Variants in DCTN4 observed in about 807,000 individuals in gnomAD.
DCTN4 encodes dynactin subunit 4.
Under a neutral mutation model 62.7 loss-of-function variants are expected in DCTN4, and 23 were observed. That is an observed-to-expected ratio of 0.37 (90% CI 0.26 to 0.52). The LOEUF is 0.52. Ranked by LOEUF, DCTN4 falls within the 20% of genes least tolerant of loss-of-function variation. DCTN4 has a pLI of 0.92. For synonymous variants in DCTN4, 199 were observed against 202.1 expected, an observed-to-expected ratio of 0.98 and a Z score of 0.13; for missense variants, 514 against 580.4, an observed-to-expected ratio of 0.89 and a Z score of 1.18.
rs36019301 is a variant in DCTN4 at position 150,715,603 on chromosome 5, A to G, written c.1131T>C (p.Asp377=). Residue 377 remains aspartate, a synonymous_variant, in exon 12 of 13, where the codon GAT becomes GAC. Coordinates refer to ENST00000447998, the MANE Select transcript of DCTN4 (RefSeq NM_016221.4). The part of the protein sequence containing the change: ...LAGKDAAAEY[D]ELAEPQDFQD... ...GAAAGTCTTGAGGTTCTGCCAACTC[A>G]TCGTACTCTGCTGCTGCATCCTTGC... 3.9e-3 allele frequency: 6,336 copies of G among 1,614,078 alleles called. 220 individuals carry two copies. In the African/African-American group the frequency reaches 0.073, roughly 19 times the overall value.
rs1039625832 is a variant in DCTN4, at chr5:150,749,097, A to G, written c.385+4382T>C. On this transcript the variant is annotated intron_variant, in intron 3 of 12. Transcript: ENST00000447998. The stretch of plus-strand genomic sequence containing the variant: ...AAAACACAAACTATAAAATAAAAAA[A>G]TTGGTAAATTAGACTTCACTGAAAT... Among the ~76,000 whole-genome samples, 8 of 152,216 alleles carry G rather than the reference A, an allele frequency of 5.3e-5. No individual in the cohort carries two copies. The East Asian group carries it at 1.5e-3, about 29-fold the overall frequency.
Position 150,756,401 on chromosome 5 carries a change from T to A in DCTN4, c.206+16A>T, listed in dbSNP as rs1273507076. 6 of 1,537,636 alleles carry A rather than the reference T, an allele frequency of 3.9e-6. No individual in the cohort carries two copies. Among genetic ancestry groups the A allele is most frequent in the Non-Finnish European group, 4.4e-6 (5 of 1,142,976 alleles). On this transcript the variant is annotated intron_variant, in intron 2 of 12. Coordinates refer to ENST00000447998, the MANE Select transcript of DCTN4 (RefSeq NM_016221.4). ...AAGGAAAATAGGAAGAAAAAAAAAA[T>A]CAGTCCAGGTCTTACCTATTCTTTT...
chr5:150,715,028 C>T (rs1759703115), intron 12 of DCTN4, among the ~76,000 whole-genome samples: 4 of 151,982 alleles, frequency 2.6e-5, no homozygotes, highest in Admixed American at 6.6e-5. Flanking sequence ...ATATTAAATC[C>T]TCTGTTCGAA....
chr5:150,727,788 A>C (rs1016595785), intron 8 of DCTN4, among the ~76,000 whole-genome samples: 8 of 150,594 alleles, frequency 5.3e-5, no homozygotes, highest in East Asian at 3.9e-4. Context: ...AAAAAAAAAA[A>C]AAAAAAAAAC....
intron 4 of DCTN4, among the ~76,000 whole-genome samples, chr5:150,735,485 A>G (rs1218849643): frequency 1.3e-5 from 2 of 152,240 alleles, no homozygotes; most frequent in South Asian, 2.1e-4. Flanking sequence ...GACGGACTGC[A>G]TCACTGGACT....
intron 8 of DCTN4, among the ~76,000 whole-genome samples, chr5:150,726,267 A>G (rs935972244): frequency 3.0e-4 from 45 of 152,344 alleles, no homozygotes; most frequent in African/African-American, 1.1e-3. Flanking sequence ...AGAATTTTAA[A>G]GCTTTCAACA....
Position 150,726,321 on chromosome 5 carries a change from G to A in DCTN4, c.835-3341C>T, listed in dbSNP as rs897958017. ...CTTTGGACCAACCCCACAACTGAGC[G>A]GAGCCACCTCCTCGAGACATGCATT... On this transcript the variant is annotated intron_variant, in intron 8 of 12. Coordinates refer to ENST00000447998, the MANE Select transcript of DCTN4 (RefSeq NM_016221.4). Among the ~76,000 whole-genome samples the A allele has an allele frequency of 2.6e-5, 4 of 152,104 alleles. No homozygotes were observed. In the East Asian group the frequency reaches 5.8e-4, roughly 22 times the overall value.
chr5:150,735,056 C>T (rs1289343657), intron 4 of DCTN4, among the ~76,000 whole-genome samples: 1 of 152,156 alleles, frequency 6.6e-6, no homozygotes, highest in Non-Finnish European at 1.5e-5. Flanking sequence ...CCTGGTAGCC[C>T]AAGACAAAAG....
chr5:150,745,441 C>T (rs1286934952), intron 3 of DCTN4, among the ~76,000 whole-genome samples: 1 of 152,088 alleles, frequency 6.6e-6, no homozygotes. Context: ...CCAACCAGAC[C>T]TTATAGACAT....
intron 4 of DCTN4, among the ~76,000 whole-genome samples, chr5:150,737,928 G>C (rs984042231): frequency 6.6e-6 from 1 of 152,080 alleles, no homozygotes; most frequent in African/African-American, 2.4e-5. Flanking sequence ...AAATGAAATG[G>C]GAGATATTAC....
intron 3 of DCTN4, among the ~76,000 whole-genome samples, chr5:150,747,036 A>C (rs2113124876): frequency 6.6e-6 from 1 of 152,250 alleles, no homozygotes; most frequent in Middle Eastern, 3.4e-3. Context: ...ATATCTAGAA[A>C]ACCCCATCGT....
At chr5:150,728,053 C>A (rs6887904) in intron 8 of DCTN4, among the ~76,000 whole-genome samples, 34,257 of 151,932 alleles carry the variant, frequency 0.23, 8,538 homozygotes, top group African/African-American at 0.62. Flanking sequence ...TTCATTTTCC[C>A]GTGCAGTTAG....
Position 150,710,963 on chromosome 5 carries a change from G to C in DCTN4, c.*186C>G, listed in dbSNP as rs1759537930. The C allele has an allele frequency of 1.6e-6, 1 of 614,196 alleles. No individual in the cohort carries two copies. Among genetic ancestry groups the C allele is most frequent in the African/African-American group, 1.8e-5 (1 of 54,148 alleles). The allele number at this position is 614,196 out of a possible 1,614,324, so 38.0% of individuals were successfully genotyped here. A position where few individuals can be genotyped will look rare whatever the true frequency, so the allele number is the denominator to read the frequency against. On this transcript the variant is annotated 3_prime_UTR_variant, in exon 13 of 13. Transcript: ENST00000447998. ...CTTACTGGTGTCAACAGGGGTGAGAGCAAGAGCAACAGCAGCTACCCTGTG... is the reference window on the plus strand; with the variant it reads ...CTTACTGGTGTCAACAGGGGTGAGACCAAGAGCAACAGCAGCTACCCTGTG...
intron 1 of DCTN4, among the ~76,000 whole-genome samples, chr5:150,757,568 C>G (rs1752907644): frequency 6.6e-6 from 1 of 152,076 alleles, no homozygotes; most frequent in Non-Finnish European, 1.5e-5. Flanking sequence ...CTATTCACCA[C>G]AGGAGAATAT....
At chr5:150,721,041 T>C (rs1296587141) in intron 9 of DCTN4, among the ~76,000 whole-genome samples, 2 of 152,150 alleles carry the variant, frequency 1.3e-5, no homozygotes, top group African/African-American at 4.8e-5. Context: ...CAAACATAAT[T>C]ACTCATTTGA....
At chr5:150,747,522 C>T (rs1406586744) in intron 3 of DCTN4, among the ~76,000 whole-genome samples, 1 of 152,206 alleles carries the variant, frequency 6.6e-6, no homozygotes, top group Non-Finnish European at 1.5e-5. Context: ...AGGCATCACA[C>T]TAACTGACTT....
chr5:150,734,974 G>A (rs1760522402), intron 4 of DCTN4, among the ~76,000 whole-genome samples: 2 of 152,178 alleles, frequency 1.3e-5, no homozygotes, highest in South Asian at 4.1e-4. Context: ...CTTCACAGCA[G>A]CTGCAGCAAA....
At chr5:150,731,690 T>C (rs561822056) in intron 5 of DCTN4, 37 of 640,578 alleles carry the variant, frequency 5.8e-5, no homozygotes, top group Non-Finnish European at 9.8e-5. Context: ...GCACTAAACA[T>C]GGAGATTGAA....
chr5:150,712,488 C>T (rs1436929853), intron 12 of DCTN4, among the ~76,000 whole-genome samples: 1 of 152,094 alleles, frequency 6.6e-6, no homozygotes, highest in Non-Finnish European at 1.5e-5. Flanking sequence ...AGAGCAGTGG[C>T]ACGATCATAG....
Sources: allele counts gnomAD v4.1 joint callset (sites outside exome capture counted in the v4.1 genomes callset), GRCh38; gene constraint gnomAD v4.1.1; transcripts MANE v1.5; gene names NCBI Gene and HGNC (gene_info 2026-07-23, HGNC 2026-07-21).